EPB41L4A: variants seen among roughly 807,000 people sequenced by gnomAD.
EPB41L4A encodes band 4.1-like protein 4A.
Under a neutral mutation model 108.6 loss-of-function variants are expected in EPB41L4A, and 100 were observed. That is an observed-to-expected ratio of 0.92 (90% confidence interval 0.78 to 1.09). The LOEUF is 1.09. Among genes scored for constraint, EPB41L4A ranks in the 50% least tolerant of loss-of-function variants. EPB41L4A has a pLI of 0.00. For missense variants in EPB41L4A, 1,030 were observed against 842.7 expected (o/e 1.22, Z -2.75); for synonymous variants, 319 against 289.0 (o/e 1.10, Z -1.05).
chr5:112,286,999 A>C (rs1281559108), intron 2 of EPB41L4A, among the ~76,000 whole-genome samples: 1 of 152,086 alleles, frequency 6.6e-6, no homozygotes, highest in African/African-American at 2.4e-5. Context: ...GACACTCCTC[A>C]ATCTTGCTTC....
At chr5:112,371,880 A>G (rs1759519710) in intron 1 of EPB41L4A, among the ~76,000 whole-genome samples, 3 of 152,112 alleles carry the variant, frequency 2.0e-5, no homozygotes, top group Admixed American at 2.0e-4. Context: ...CCTCATGAAC[A>G]TTATATTCTA....
intron 1 of EPB41L4A, among the ~76,000 whole-genome samples, chr5:112,325,697 C>G (rs1756109918): frequency 6.6e-6 from 1 of 152,166 alleles, no homozygotes; most frequent in Admixed American, 6.5e-5. Context: ...TCAGAGGTAG[C>G]TGAAGGGTGA....
intron 6 of EPB41L4A, 74 bp from the exon 7 acceptor site, chr5:112,262,655 A>G (rs1751577751): frequency 8.7e-7 from 1 of 1,146,924 alleles, no homozygotes; most frequent in Non-Finnish European, 1.3e-6. Context: ...AACTATCTTC[A>G]TTGTATTCAA....
intron 2 of EPB41L4A, among the ~76,000 whole-genome samples, chr5:112,282,634 T>C (rs931055842): frequency 4.6e-5 from 7 of 152,182 alleles, no homozygotes; most frequent in Admixed American, 6.5e-5. Flanking sequence ...GGCTTATGGA[T>C]GCGTTATTAG....
intron 18 of EPB41L4A, among the ~76,000 whole-genome samples, chr5:112,176,308 T>G (rs901592829): frequency 1.3e-5 from 2 of 152,198 alleles, no homozygotes; most frequent in African/African-American, 4.8e-5. Flanking sequence ...TTAACAGTCA[T>G]AACTCAAATA....
chr5:112,236,519 T>C (rs746710539), intron 11 of EPB41L4A, among the ~76,000 whole-genome samples: 3 of 152,238 alleles, frequency 2.0e-5, no homozygotes, highest in African/African-American at 7.2e-5. Context: ...TATTCTTATA[T>C]AGCATCCTAT....
At chr5:112,230,829 T>C (rs1748861168) in intron 12 of EPB41L4A, among the ~76,000 whole-genome samples, 1 of 152,234 alleles carries the variant, frequency 6.6e-6, no homozygotes, top group Non-Finnish European at 1.5e-5. Context: ...GTTTTACCGA[T>C]GTTATCTTCT....
intron 2 of EPB41L4A, among the ~76,000 whole-genome samples, chr5:112,301,985 T>C (rs2066449261): frequency 6.6e-6 from 1 of 152,032 alleles, no homozygotes; most frequent in Admixed American, 6.6e-5. Context: ...AAGGAATAAA[T>C]AAATGTTTCT....
chr5:112,167,919 T>TA (rs1760349368), intron 22 of EPB41L4A, among the ~76,000 whole-genome samples: 1 of 152,240 alleles, frequency 6.6e-6, no homozygotes, highest in Non-Finnish European at 1.5e-5. Flanking sequence ...TACATGTGCT[T>TA]AGATGCATTT....
intron 1 of EPB41L4A, among the ~76,000 whole-genome samples, chr5:112,355,984 T>C (rs1161905004): frequency 6.6e-6 from 1 of 152,190 alleles, no homozygotes; most frequent in African/African-American, 2.4e-5. Flanking sequence ...CTTATGGTTA[T>C]TTTGCAGTTT....
intron 1 of EPB41L4A, among the ~76,000 whole-genome samples, chr5:112,403,729 A>T (rs113324298): frequency 0.095 from 14,525 of 152,184 alleles, 2,254 homozygotes; most frequent in African/African-American, 0.32. Context: ...CGGCCTCCCA[A>T]AGTGCTGGGA....
At chr5:112,294,524 G>C (rs780748873) in intron 2 of EPB41L4A, among the ~76,000 whole-genome samples, 2 of 152,096 alleles carry the variant, frequency 1.3e-5, no homozygotes, top group Non-Finnish European at 2.9e-5. Flanking sequence ...ATACAAGAAG[G>C]CCCAAAATAT....
chr5:112,232,057 T>C (rs961458310), intron 12 of EPB41L4A, among the ~76,000 whole-genome samples: 11 of 148,068 alleles, frequency 7.4e-5, no homozygotes, highest in African/African-American at 2.3e-4. Flanking sequence ...AAAGCTACTG[T>C]GAGCTATGGC....
chr5:112,203,939 T>G (rs1394083118), intron 15 of EPB41L4A, among the ~76,000 whole-genome samples: 1 of 151,842 alleles, frequency 6.6e-6, no homozygotes, highest in Non-Finnish European at 1.5e-5. Context: ...CTGGGGAGGC[T>G]GAGGCAGGAG....
chr5:112,258,191 A>G (rs1223205796), intron 9 of EPB41L4A, among the ~76,000 whole-genome samples: 1 of 152,256 alleles, frequency 6.6e-6, no homozygotes, highest in Non-Finnish European at 1.5e-5. Flanking sequence ...AACAAAGAGT[A>G]GCATCAGGTT....
intron 1 of EPB41L4A, among the ~76,000 whole-genome samples, chr5:112,339,474 CTATATATATATATATATATATCTATATA>C (rs1757126403): frequency 6.1e-5 from 7 of 115,702 alleles, no homozygotes; most frequent in African/African-American, 1.1e-4. Context: ...ATATATATAT[CTATATATATATATATATATATCTATATA>C]TATATATAGA....
At chr5:112,389,240 T>C (rs975532359) in intron 1 of EPB41L4A, among the ~76,000 whole-genome samples, 5 of 152,230 alleles carry the variant, frequency 3.3e-5, no homozygotes, top group Admixed American at 2.0e-4. Flanking sequence ...TTAAATATTT[T>C]TTAATGTATT....
chr5:112,201,322 T>G (rs1175288513), intron 15 of EPB41L4A, among the ~76,000 whole-genome samples: 1 of 152,176 alleles, frequency 6.6e-6, no homozygotes, highest in Non-Finnish European at 1.5e-5. Context: ...AATACGCCAA[T>G]GAAAGGATCC....
intron 12 of EPB41L4A, chr5:112,210,268 G>A: frequency 4.8e-6 from 1 of 208,174 alleles, no homozygotes; most frequent in Non-Finnish European, 9.4e-6. Context: ...ATTCACTTTA[G>A]ACTATTAAAA....
Sources: gnomAD v4.1 joint callset for allele counts (sites outside exome capture counted in the v4.1 genomes callset) on GRCh38, gnomAD v4.1.1 for gene constraint, MANE v1.5 for transcripts, NCBI Gene and HGNC (gene_info 2026-07-23, HGNC 2026-07-21) for gene names.